The following CAMKMT variants were observed in gnomAD, a reference collection of about 807,000 sequenced individuals.
CAMKMT encodes the protein calmodulin-lysine N-methyltransferase.
In CAMKMT, 53 loss-of-function variants were observed where a neutral mutation model predicts 48.0. The observed-to-expected ratio is 1.10, with a 90% confidence interval of 0.89 to 1.39. The LOEUF (loss-of-function observed/expected upper bound fraction) is 1.39, where lower values mean the gene tolerates loss of function less well. Ranked by LOEUF, CAMKMT falls within the 40% of genes most tolerant of loss-of-function variation. The pLI is 0.00. For synonymous variants in CAMKMT, 165 were observed against 152.3 expected, an observed-to-expected ratio of 1.08 and a Z score of -0.61; for missense variants, 428 against 402.7, an observed-to-expected ratio of 1.06 and a Z score of -0.54.
chr2:44,736,528 G>A (rs1679363907), intron 7 of CAMKMT, among the ~76,000 whole-genome samples: 1 of 152,042 alleles, frequency 6.6e-6, no homozygotes, highest in Non-Finnish European at 1.5e-5. Context: ...TGGGCTTGTT[G>A]AAATTTCTTG....
At chr2:44,362,437 C>T (rs1677993973) in intron 1 of CAMKMT, among the ~76,000 whole-genome samples, 1 of 152,146 alleles carries the variant, frequency 6.6e-6, no homozygotes, top group Non-Finnish European at 1.5e-5. Flanking sequence ...GACTTTTCCC[C>T]TTCTCGCCAG....
intron 3 of CAMKMT, chr2:44,401,192 A>T (rs1447092525): frequency 6.6e-6 from 1 of 152,180 alleles, no homozygotes; most frequent in Admixed American, 6.5e-5. Flanking sequence ...ATATCTCAGT[A>T]TCTGATGCAT....
chr2:44,565,815 A>C (rs1172778016), intron 3 of CAMKMT, among the ~76,000 whole-genome samples: 1 of 152,206 alleles, frequency 6.6e-6, no homozygotes, highest in Admixed American at 6.5e-5. Flanking sequence ...TGGGCAGGGC[A>C]CAGGTATTAC....
chr2:44,610,780 T>C (rs1181005556), intron 3 of CAMKMT, among the ~76,000 whole-genome samples: 1 of 152,222 alleles, frequency 6.6e-6, no homozygotes, highest in Non-Finnish European at 1.5e-5. Flanking sequence ...AAAATACTTA[T>C]ATTTACATAC....
chr2:44,533,712 A>G (rs1454423606), intron 3 of CAMKMT, among the ~76,000 whole-genome samples: 1 of 152,216 alleles, frequency 6.6e-6, no homozygotes, highest in African/African-American at 2.4e-5. Flanking sequence ...ATGTGGAAGT[A>G]TAAAGCTCAC....
At chr2:44,511,802 C>T (rs1670573057) in intron 3 of CAMKMT, among the ~76,000 whole-genome samples, 1 of 152,184 alleles carries the variant, frequency 6.6e-6, no homozygotes, top group South Asian at 2.1e-4. Flanking sequence ...TTGGGTCCCT[C>T]ACTTCAAGTG....
In CAMKMT at chr2:44,664,655, A is replaced by G. The variant is rs550947723; in HGVS notation, c.377-39628A>G. Among the ~76,000 whole-genome samples the G allele has an allele frequency of 4.6e-5, 7 of 152,380 alleles. No homozygotes were observed. The East Asian group carries it at 5.8e-4, about 13-fold the overall frequency. On this transcript the variant is annotated intron_variant, in intron 3 of 10. Coordinates refer to ENST00000378494, the MANE Select transcript of CAMKMT (RefSeq NM_024766.5). ...AAACAAATACATAAATTAAGCTAGA[A>G]TGTAAAGATAAAAGTAAAGACAAAT... is the stretch of plus-strand genomic sequence containing the variant.
chr2:44,609,469 G>GA (rs1313383742), intron 3 of CAMKMT, among the ~76,000 whole-genome samples: 1 of 152,128 alleles, frequency 6.6e-6, no homozygotes, highest in East Asian at 1.9e-4. Context: ...CTTTTTAACA[G>GA]AAAAAATAGG....
chr2:44,409,196 T>C (rs925033670), intron 3 of CAMKMT, among the ~76,000 whole-genome samples: 1 of 115,302 alleles, frequency 8.7e-6, no homozygotes, highest in Non-Finnish European at 1.9e-5. Context: ...TATTGCTACA[T>C]AAAGACAACT....
intron 3 of CAMKMT, among the ~76,000 whole-genome samples, chr2:44,453,077 TATC>T (rs1343474433): frequency 6.6e-6 from 1 of 152,042 alleles, no homozygotes; most frequent in East Asian, 1.9e-4. Flanking sequence ...GTTAACAACT[TATC>T]ATGTATTCAT....
chr2:44,599,282 C>A (rs972441338), intron 3 of CAMKMT, among the ~76,000 whole-genome samples: 1 of 152,074 alleles, frequency 6.6e-6, no homozygotes, highest in Non-Finnish European at 1.5e-5. Context: ...CTTCATAATA[C>A]CTGGCAGCTT....
intron 3 of CAMKMT, among the ~76,000 whole-genome samples, chr2:44,677,296 T>A (rs188121880): frequency 6.6e-6 from 1 of 152,034 alleles, no homozygotes. Flanking sequence ...ATAAGAGGAG[T>A]CACCAAACAT....
chr2:44,403,390 C>T (rs1241295793), intron 3 of CAMKMT, among the ~76,000 whole-genome samples: 1 of 152,148 alleles, frequency 6.6e-6, no homozygotes, highest in Non-Finnish European at 1.5e-5. Flanking sequence ...AGACATCTGA[C>T]AGGATGGAGC....
In CAMKMT at chr2:44,362,036, C is replaced by G. The variant is rs750780281; in HGVS notation, c.29C>G (p.Thr10Ser). 2 of 1,423,232 alleles carry G rather than the reference C, an allele frequency of 1.4e-6. No individual in the cohort carries two copies. Among genetic ancestry groups the G allele is most frequent in the Non-Finnish European group, 9.1e-7 (1 of 1,094,286 alleles). The allele number at this position is 1,423,232 out of a possible 1,614,324, so 88.2% of individuals were successfully genotyped here. A position where few individuals can be genotyped will look rare whatever the true frequency, so the allele number is the denominator to read the frequency against. ...GAGTCGCGAGTCGCGGACGCTGGGACCGGCGAGACCGCGCGAGCAGCGGGC... is the reference window on the plus strand; with the variant it reads ...GAGTCGCGAGTCGCGGACGCTGGGAGCGGCGAGACCGCGCGAGCAGCGGGC... MESRVADAG[T>S]GETARAAGGS... Residue 10 changes from threonine to serine, a missense_variant, in exon 1 of 11, where the codon ACC becomes AGC. By Grantham distance (58) the Thr-to-Ser change is moderately conservative. Transcript: ENST00000378494.
chr2:44,375,757 T>G (rs1679623451), intron 2 of CAMKMT, among the ~76,000 whole-genome samples: 1 of 151,800 alleles, frequency 6.6e-6, no homozygotes, highest in African/African-American at 2.4e-5. Flanking sequence ...TCAATATATA[T>G]TATATGGTGG....
chr2:44,710,606 C>A (rs1337551054), intron 6 of CAMKMT, among the ~76,000 whole-genome samples: 1 of 150,268 alleles, frequency 6.7e-6, no homozygotes, highest in Non-Finnish European at 1.5e-5. Flanking sequence ...TAGTGTGAAA[C>A]ATGTTCCTTT....
intron 3 of CAMKMT, among the ~76,000 whole-genome samples, chr2:44,703,983 G>A (rs982681040): frequency 6.6e-6 from 1 of 152,004 alleles, no homozygotes; most frequent in Non-Finnish European, 1.5e-5. Flanking sequence ...TCTATGTGAA[G>A]TACCATCAAA....
chr2:44,766,117 G>A (rs558120064), intron 9 of CAMKMT, among the ~76,000 whole-genome samples: 1 of 152,292 alleles, frequency 6.6e-6, no homozygotes, highest in East Asian at 1.9e-4. Flanking sequence ...CTAGTCAATG[G>A]CTTAACCCAC....
chr2:44,562,791 C>A (rs138271627), intron 3 of CAMKMT, among the ~76,000 whole-genome samples: 4,175 of 152,264 alleles, frequency 0.027, 184 homozygotes, highest in African/African-American at 0.095. Context: ...AAACTCCTGA[C>A]CTCAAGTAAT....
Sources: gnomAD v4.1 joint callset for allele counts (sites outside exome capture counted in the v4.1 genomes callset) on GRCh38, gnomAD v4.1.1 for gene constraint, MANE v1.5 for transcripts, NCBI Gene and HGNC (gene_info 2026-07-23, HGNC 2026-07-21) for gene names.